Variants in CDH2 observed in about 807,000 individuals in gnomAD.
The protein encoded by CDH2 is cadherin 2, also known as cadherin-2.
CDH2 carries 17 observed loss-of-function variants against 92.0 expected under a neutral mutation model. That is an observed-to-expected ratio of 0.18 (90% confidence interval 0.13 to 0.28). The LOEUF is 0.28. CDH2 is among the 10% of genes least tolerant of loss of function. The pLI, the probability that CDH2 is intolerant of heterozygous loss-of-function variation, is 1.00. For missense variants in CDH2, 862 were observed against 1,133.1 expected, an observed-to-expected ratio of 0.76 and a Z score of 3.44; for synonymous variants, 419 against 415.9, an observed-to-expected ratio of 1.01 and a Z score of -0.09.
chr18:28,024,142 T>C (rs560392132), intron 2 of CDH2, among the ~76,000 whole-genome samples: 6 of 152,270 alleles, frequency 3.9e-5, no homozygotes, highest in Admixed American at 6.5e-5. Context: ...GCCACAAAAA[T>C]GTGTCATGCA....
At chr18:28,144,061 C>A (rs1255476825) in intron 2 of CDH2, among the ~76,000 whole-genome samples, 1 of 151,484 alleles carries the variant, frequency 6.6e-6, no homozygotes, top group Non-Finnish European at 1.5e-5. Context: ...GGACTTAAAA[C>A]ATAGATGACA....
chr18:28,150,243 G>A (rs180868453), intron 1 of CDH2, among the ~76,000 whole-genome samples: 30 of 152,318 alleles, frequency 2.0e-4, no homozygotes, highest in Admixed American at 3.3e-4. Flanking sequence ...CAGAAACGCC[G>A]TGGCCAGAAG....
chr18:28,094,654 T>C (rs922044615), intron 2 of CDH2, among the ~76,000 whole-genome samples: 19 of 150,366 alleles, frequency 1.3e-4, no homozygotes, highest in South Asian at 2.1e-4. Flanking sequence ...ATTAGACAGG[T>C]GTGGTGGCGG....
chr18:28,144,620 A>G (rs1338742634), intron 2 of CDH2, among the ~76,000 whole-genome samples: 1 of 152,104 alleles, frequency 6.6e-6, no homozygotes, highest in Non-Finnish European at 1.5e-5. Context: ...AGCACTACAT[A>G]TAAGAGAGGA....
At chr18:28,023,190 T>C (rs775170863) in intron 2 of CDH2, among the ~76,000 whole-genome samples, 2 of 152,148 alleles carry the variant, frequency 1.3e-5, no homozygotes, top group Non-Finnish European at 2.9e-5. Context: ...AAGCAAACTT[T>C]TATGTACAAG....
At chr18:27,942,688 C>A (rs1050694860) in intron 6 of CDH2, among the ~76,000 whole-genome samples, 1 of 152,194 alleles carries the variant, frequency 6.6e-6, no homozygotes, top group Non-Finnish European at 1.5e-5. Flanking sequence ...AAATGAGTTT[C>A]TGCTAGCAGA....
intron 14 of CDH2, among the ~76,000 whole-genome samples, chr18:27,964,986 G>GTAAC (rs1218858767): frequency 1.3e-5 from 2 of 152,154 alleles, no homozygotes; most frequent in East Asian, 1.9e-4. Flanking sequence ...GAAAAGGTCA[G>GTAAC]TAACTTCATA....
chr18:27,988,817 T>C (rs905806906), intron 10 of CDH2, 151 bp from the exon 11 acceptor site: 1 of 637,116 alleles, frequency 1.6e-6, no homozygotes, highest in Admixed American at 2.8e-5. Flanking sequence ...AGTATTTTTG[T>C]GACAGTGGTA....
intron 2 of CDH2, chr18:28,146,298 T>C (rs2016034061): frequency 6.6e-6 from 1 of 152,098 alleles, no homozygotes; most frequent in Non-Finnish European, 1.5e-5. Flanking sequence ...ATATATTTTA[T>C]ACACATTTAC....
Position 27,985,208 on chromosome 18 carries a change from C to G in CDH2, c.2001G>C (p.Lys667Asn). Residue 667 changes from lysine (K) to asparagine (N), a missense_variant, in exon 13 of 16, where the codon AAG becomes AAC. This residue lies in a region of CDH2 where 564 missense variants were observed against 722.2 expected (regional missense o/e 0.78). Transcript: ENST00000269141. ...LNGDFAQLNL[K>N]IKFLEAGIYE... ...AGATACCAGCTTCAAGAAATTTTAT[C>G]TTTAAATTAAGCTGAGCAAAATCAC... 6.2e-7 allele frequency: 1 copy of G among 1,610,514 alleles called. No homozygotes were observed. Among genetic ancestry groups the G allele is most frequent in the Non-Finnish European group, 8.5e-7 (1 of 1,176,932 alleles).
chr18:28,128,944 T>C (rs2015721862), intron 2 of CDH2, among the ~76,000 whole-genome samples: 1 of 152,206 alleles, frequency 6.6e-6, no homozygotes, highest in Non-Finnish European at 1.5e-5. Flanking sequence ...AATTGCTCTT[T>C]TGCTTACATT....
chr18:27,963,653 A>ATGAGT (rs2011466843), intron 14 of CDH2, 132 bp from the exon 15 acceptor site: 1 of 691,578 alleles, frequency 1.4e-6, no homozygotes, highest in African/African-American at 1.8e-5. Flanking sequence ...AGTTGCCACT[A>ATGAGT]TGAGTTTTTC....
intron 2 of CDH2, among the ~76,000 whole-genome samples, chr18:28,122,217 T>C (rs1452035484): frequency 6.6e-6 from 1 of 152,114 alleles, no homozygotes; most frequent in East Asian, 1.9e-4. Context: ...AGGAAACCTT[T>C]TTCAACCTCC....
intron 6 of CDH2, among the ~76,000 whole-genome samples, chr18:27,936,099 G>A (rs1011158508): frequency 6.6e-6 from 1 of 152,194 alleles, no homozygotes; most frequent in African/African-American, 2.4e-5. Flanking sequence ...ATAGAAGACA[G>A]AGTTGAAGGG....
intron 2 of CDH2, among the ~76,000 whole-genome samples, chr18:28,043,513 T>A (rs1409683544): frequency 1.5e-5 from 2 of 133,628 alleles, no homozygotes; most frequent in African/African-American, 5.7e-5. Flanking sequence ...TATATATATA[T>A]ATAAACAGGT....
intron 2 of CDH2, among the ~76,000 whole-genome samples, chr18:28,071,855 C>A (rs989890647): frequency 1.3e-5 from 2 of 152,162 alleles, no homozygotes; most frequent in Admixed American, 1.3e-4. Context: ...CTAAAGGTAG[C>A]AATAATATGC....
At chr18:28,005,613 A>G (rs2012892725) in intron 6 of CDH2, among the ~76,000 whole-genome samples, 1 of 152,162 alleles carries the variant, frequency 6.6e-6, no homozygotes, top group Non-Finnish European at 1.5e-5. Flanking sequence ...ACTGTAGTGC[A>G]TATTTTTTCA....
intron 2 of CDH2, among the ~76,000 whole-genome samples, chr18:28,125,457 G>C (rs959094821): frequency 4.6e-5 from 7 of 152,012 alleles, no homozygotes; most frequent in Admixed American, 1.3e-4. Flanking sequence ...TTTAAAAAAG[G>C]AAGCCAGGAT....
chr18:27,970,928 G>A (rs565851983), intron 14 of CDH2, among the ~76,000 whole-genome samples: 1 of 152,262 alleles, frequency 6.6e-6, no homozygotes, highest in African/African-American at 2.4e-5. Context: ...AAAAATAGGT[G>A]GGAGGCTGAG....
Sources: allele counts gnomAD v4.1 joint callset (sites outside exome capture counted in the v4.1 genomes callset), GRCh38; gene constraint gnomAD v4.1.1; regional missense constraint gnomAD v4.1.1; transcripts MANE v1.5; gene names NCBI Gene and HGNC (gene_info 2026-07-23, HGNC 2026-07-21).